Variants in CWC27 observed in about 807,000 individuals in gnomAD.
CWC27 encodes the protein CWC27 spliceosome associated cyclophilin, also known as spliceosome-associated protein CWC27 homolog.
Under a neutral mutation model 63.6 loss-of-function variants are expected in CWC27, and 47 were observed. The observed-to-expected ratio is 0.74, with a 90% confidence interval of 0.58 to 0.94. The LOEUF (loss-of-function observed/expected upper bound fraction) is 0.94. Among genes scored for constraint, CWC27 ranks in the 40% least tolerant of loss-of-function variants. The pLI, the probability that CWC27 is intolerant of heterozygous loss-of-function variation, is 0.00. For synonymous variants in CWC27, 175 were observed against 179.8 expected, an observed-to-expected ratio of 0.97 and a Z score of 0.22; for missense variants, 495 against 554.3, an observed-to-expected ratio of 0.89 and a Z score of 1.07.
Position 64,781,938 on chromosome 5 carries a change from A to G in CWC27, c.157A>G (p.Ile53Val), listed in dbSNP as rs1010699308. 3.8e-6 allele frequency: 6 copies of G among 1,580,106 alleles called. No homozygotes were observed. Among genetic ancestry groups the G allele is most frequent in the Middle Eastern group, 1.7e-4 (1 of 5,994 alleles). The change falls in exon 3 of 14, where the codon ATT (isoleucine) becomes GTT (valine). Residue 53 changes from isoleucine to valine, a missense_variant. This residue lies in a region of CWC27 where 463 missense variants were observed against 498.1 expected (regional missense o/e 0.93). Coordinates refer to ENST00000381070, the MANE Select transcript of CWC27 (RefSeq NM_005869.4). ...LCLEAYYDNT[I>V]FHRVVPGFIV... Reference sequence around the variant, plus strand: ...TTTTTCAGCTTATTATGACAATACCATTTTTCATAGAGTTGTGCCTGGTTT... The same window carrying G: ...TTTTTCAGCTTATTATGACAATACCGTTTTTCATAGAGTTGTGCCTGGTTT...
At chr5:64,799,702 T>G (rs1283386949) in intron 7 of CWC27, among the ~76,000 whole-genome samples, 3 of 151,860 alleles carry the variant, frequency 2.0e-5, no homozygotes, top group Non-Finnish European at 4.4e-5. Flanking sequence ...AACATGAACT[T>G]TGAAATTAAA....
intron 10 of CWC27, among the ~76,000 whole-genome samples, chr5:64,875,206 C>T (rs993064627): frequency 6.6e-5 from 10 of 152,086 alleles, no homozygotes; most frequent in African/African-American, 2.2e-4. Flanking sequence ...GGGTCATCTA[C>T]ATTAGACTTC....
At chr5:64,872,914 C>G (rs764609060) in intron 10 of CWC27, among the ~76,000 whole-genome samples, 1 of 152,148 alleles carries the variant, frequency 6.6e-6, no homozygotes, top group Non-Finnish European at 1.5e-5. Flanking sequence ...ATTCTGTACT[C>G]TTTCTCCCTT....
At chr5:64,776,106 AG>A (rs1743439733) in intron 2 of CWC27, among the ~76,000 whole-genome samples, 4 of 119,122 alleles carry the variant, frequency 3.4e-5, no homozygotes, top group Admixed American at 2.3e-4. Context: ...AGAGAGAGAG[AG>A]AGAGAGAGAG....
intron 10 of CWC27, among the ~76,000 whole-genome samples, chr5:64,867,370 T>C (rs1036288681): frequency 1.3e-5 from 2 of 152,124 alleles, no homozygotes; most frequent in Non-Finnish European, 2.9e-5. Context: ...AGTTTTATGA[T>C]AGATATTACA....
intron 10 of CWC27, among the ~76,000 whole-genome samples, chr5:64,859,331 A>G (rs1173005937): frequency 6.6e-6 from 1 of 152,160 alleles, no homozygotes; most frequent in Non-Finnish European, 1.5e-5. Flanking sequence ...TGAGATGACA[A>G]AAAAACATTC....
At chr5:64,809,040 A>C (rs1214473237) in intron 10 of CWC27, among the ~76,000 whole-genome samples, 2 of 152,178 alleles carry the variant, frequency 1.3e-5, no homozygotes, top group African/African-American at 2.4e-5. Context: ...CCCATCACCC[A>C]GATCAAGAAA....
chr5:64,857,249 C>T (rs1190867736), intron 10 of CWC27, among the ~76,000 whole-genome samples: 1 of 152,206 alleles, frequency 6.6e-6, no homozygotes, highest in African/African-American at 2.4e-5. Context: ...TACTCACTGA[C>T]TGATGTTCTA....
chr5:64,955,098 C>G (rs1165760492), intron 11 of CWC27, among the ~76,000 whole-genome samples: 1 of 152,046 alleles, frequency 6.6e-6, no homozygotes, highest in African/African-American at 2.4e-5. Context: ...GATATCTACT[C>G]CCTGCTTCTT....
intron 10 of CWC27, among the ~76,000 whole-genome samples, chr5:64,850,225 CA>C (rs61174118): frequency 2.3e-5 from 3 of 129,634 alleles, no homozygotes; most frequent in African/African-American, 6.0e-5. Flanking sequence ...TGGTACTGGC[CA>C]AAAAAAAAGA....
In CWC27 at chr5:65,018,413, G is replaced by A. The variant is rs1750089012; in HGVS notation, c.*92G>A. On this transcript the variant is annotated 3_prime_UTR_variant, in exon 14 of 14. Transcript: ENST00000381070. ...TCCCAACAGCATCACTTAGGGGTGTGAAAAGAAGTATTTTTGAACCTGTTG... is the reference window on the plus strand; with the variant it reads ...TCCCAACAGCATCACTTAGGGGTGTAAAAAGAAGTATTTTTGAACCTGTTG... 1 of 1,090,582 alleles carries A rather than the reference G, an allele frequency of 9.2e-7. No individual in the cohort carries two copies. The highest frequency in any genetic ancestry group is 1.3e-6 in the Non-Finnish European group (1 of 788,672). 67.6% of individuals were successfully genotyped at this position (1,090,582 alleles called of 1,614,324 possible).
chr5:64,774,777 T>G lies in CWC27; in HGVS notation c.129T>G (p.Leu43=), dbSNP rs1260666125. The G allele has an allele frequency of 6.9e-7, 1 of 1,458,650 alleles. No individual in the cohort carries two copies. Among genetic ancestry groups the G allele is most frequent in the African/African-American group, 1.6e-5 (1 of 62,460 alleles). 90.4% of individuals were successfully genotyped at this position (1,458,650 alleles called of 1,614,324 possible). A position where few individuals can be genotyped will look rare whatever the true frequency, so the allele number is the denominator to read the frequency against. Reference sequence around the variant, plus strand: ...AAGCTTGCAGAAATTTTATCCAACTTTGTTTGGAAGGTATGTTGACTTTTA... The same window carrying G: ...AAGCTTGCAGAAATTTTATCCAACTGTGTTTGGAAGGTATGTTGACTTTTA... ...APKACRNFIQ[L]CLEAYYDNTI... The change falls in exon 2 of 14, where the codon CTT becomes CTG. Residue 43 remains leucine, a synonymous_variant. Coordinates refer to ENST00000381070, the MANE Select transcript of CWC27 (RefSeq NM_005869.4).
chr5:64,991,959 T>A (rs1448274314), intron 13 of CWC27, among the ~76,000 whole-genome samples: 1 of 152,174 alleles, frequency 6.6e-6, no homozygotes, highest in African/African-American at 2.4e-5. Flanking sequence ...TTATACAGAA[T>A]AACCGACATA....
chr5:64,930,610 TG>T (rs1748218182), intron 11 of CWC27, among the ~76,000 whole-genome samples: 2 of 152,144 alleles, frequency 1.3e-5, no homozygotes, highest in Non-Finnish European at 2.9e-5. Flanking sequence ...AAGATTAGTT[TG>T]GGCAAAAATG....
intron 13 of CWC27, among the ~76,000 whole-genome samples, chr5:65,003,511 A>C (rs746201249): frequency 1.3e-5 from 2 of 151,992 alleles, no homozygotes; most frequent in Non-Finnish European, 2.9e-5. Context: ...ATACTTTCAT[A>C]TGTTTTCATG....
chr5:64,782,811 T>G (rs1561403670), intron 3 of CWC27, among the ~76,000 whole-genome samples: 1 of 152,200 alleles, frequency 6.6e-6, no homozygotes, highest in Non-Finnish European at 1.5e-5. Flanking sequence ...AATTTCCAGA[T>G]GATAATGGCC....
chr5:64,933,106 T>C (rs1008661116), intron 11 of CWC27, among the ~76,000 whole-genome samples: 2 of 152,156 alleles, frequency 1.3e-5, no homozygotes, highest in African/African-American at 4.8e-5. Context: ...CACAGATAGA[T>C]CTTGGGTAAA....
chr5:65,017,959 G>C (rs1206333230), intron 13 of CWC27, among the ~76,000 whole-genome samples, 200 bp from the exon 14 acceptor site: 2 of 152,236 alleles, frequency 1.3e-5, no homozygotes, highest in Non-Finnish European at 2.9e-5. Flanking sequence ...CAAACCAGCA[G>C]AACAAACTCC....
intron 2 of CWC27, among the ~76,000 whole-genome samples, chr5:64,779,723 A>C (rs938473850): frequency 7.9e-5 from 12 of 152,258 alleles, no homozygotes; most frequent in Admixed American, 7.8e-4. Flanking sequence ...CCCCACCCAA[A>C]TCTCACCTTG....
Sources: gnomAD v4.1 joint callset for allele counts (sites outside exome capture counted in the v4.1 genomes callset) on GRCh38, gnomAD v4.1.1 for gene constraint, gnomAD v4.1.1 regional missense constraint, MANE v1.5 for transcripts, NCBI Gene and HGNC (gene_info 2026-07-23, HGNC 2026-07-21) for gene names.